The following PARD6G variants were observed in gnomAD, a reference collection of about 807,000 sequenced individuals.
PARD6G encodes par-6 family cell polarity regulator gamma, also known as partitioning defective 6 homolog gamma.
In PARD6G, 7 loss-of-function variants were observed where a neutral mutation model predicts 10.7. The observed-to-expected ratio is 0.66, with a 90% CI of 0.37 to 1.23. The LOEUF is 1.23. Ranked by LOEUF, PARD6G falls within the 50% of genes most tolerant of loss-of-function variation. PARD6G has a pLI of 0.02. For synonymous variants in PARD6G, 287 were observed against 269.4 expected, an observed-to-expected ratio of 1.07 and a Z score of -0.64; for missense variants, 548 against 571.8, an observed-to-expected ratio of 0.96 and a Z score of 0.42.
Position 80,202,845 on chromosome 18 carries a change from G to A in PARD6G, c.160C>T (p.His54Tyr). ...DFYKLVVHTHHISNSDVTIGY... is the reference protein window; with the variant it reads ...DFYKLVVHTHYISNSDVTIGY... ...ATAGTTACATCACTGTTGGAGATAT[G>A]GTGGGTGTGCACAACCAGCTTGTAG... Residue 54 changes from histidine (H) to tyrosine (Y), a missense_variant, in exon 2 of 3, where the codon CAT becomes TAT. Physicochemically the swap from His to Tyr is moderately conservative, Grantham distance 83. Transcript: ENST00000353265. 2 of 1,612,244 alleles carry A rather than the reference G, an allele frequency of 1.2e-6. No homozygotes were observed. Among genetic ancestry groups the A allele is most frequent in the Non-Finnish European group, 1.7e-6 (2 of 1,179,310 alleles).
intron 2 of PARD6G, among the ~76,000 whole-genome samples, chr18:80,197,970 G>A (rs765596150): frequency 6.6e-6 from 1 of 152,230 alleles, no homozygotes; most frequent in Non-Finnish European, 1.5e-5. Flanking sequence ...CAGCGATACA[G>A]AGAAGGGCAA....
intron 2 of PARD6G, among the ~76,000 whole-genome samples, chr18:80,196,770 C>G (rs1322749380): frequency 6.6e-6 from 1 of 151,830 alleles, no homozygotes; most frequent in East Asian, 1.9e-4. Context: ...TTCTTTTTGA[C>G]AAGCTACATC....
rs191086048 is a variant in PARD6G at position 80,183,136 on chromosome 18, G to T, written c.295+19574C>A. 25 of 702,836 alleles carry T rather than the reference G, an allele frequency of 3.6e-5. No homozygotes were observed. The Admixed American group carries it at 5.0e-4, about 14-fold the overall frequency. The allele number at this position is 702,836 out of a possible 1,614,324, so 43.5% of individuals were successfully genotyped here. A position where few individuals can be genotyped will look rare whatever the true frequency, so the allele number is the denominator to read the frequency against. On this transcript the variant is annotated intron_variant, in intron 2 of 2. Transcript: ENST00000353265. This position sits in a 1 kb window ranked among gnomAD's most constrained non-coding sequence, Gnocchi z 4.5. ...GAGCTGAAGAGTCAGGTTCCTGGTC[G>T]CAGGGCTCCGTCATCTGCAGGAAAA... is the stretch of plus-strand genomic sequence containing the variant.
intron 1 of PARD6G, among the ~76,000 whole-genome samples, chr18:80,215,169 T>G (rs1967150803): frequency 6.6e-6 from 1 of 152,150 alleles, no homozygotes. Flanking sequence ...GAAGGAAACA[T>G]GAGATATTCC....
At chr18:80,243,976 C>G (rs904002071) in intron 1 of PARD6G, among the ~76,000 whole-genome samples, 1 of 152,214 alleles carries the variant, frequency 6.6e-6, no homozygotes, top group African/African-American at 2.4e-5. Context: ...CAAGCTCATG[C>G]GGACGACAGT....
chr18:80,240,928 C>T (rs902265584), intron 1 of PARD6G, among the ~76,000 whole-genome samples: 1 of 152,222 alleles, frequency 6.6e-6, no homozygotes, highest in African/African-American at 2.4e-5. Flanking sequence ...TACCCCAGCA[C>T]ATGCCCTATG....
chr18:80,159,990 C>G lies in PARD6G; in HGVS notation c.912G>C (p.Glu304Asp). 1 of 1,509,156 alleles carries G rather than the reference C, an allele frequency of 6.6e-7. No individual in the cohort carries two copies. The highest frequency in any genetic ancestry group is 2.4e-5 in the East Asian group (1 of 42,552). 93.5% of individuals were successfully genotyped at this position (1,509,156 alleles called of 1,614,324 possible). The change falls in exon 3 of 3, where the codon GAG (glutamate) becomes GAC (aspartate). Residue 304 changes from glutamate to aspartate, a missense_variant. By Grantham distance (45) the Glu-to-Asp change is conservative. Around this residue, in one of 2 missense-constraint regions of PARD6G, gnomAD observed 313 missense variants for 279.9 expected, o/e 1.12. Transcript: ENST00000353265. ...GGGGACGTGCAGGCTCCAGTGTGCC[C>G]TCGATGACGACGTCGTTGTCCTCAT... ...ESDEDNDVVI[E>D]GTLEPARPPQ...
chr18:80,171,917 C>T (rs150730856), intron 2 of PARD6G, among the ~76,000 whole-genome samples: 8 of 152,232 alleles, frequency 5.3e-5, no homozygotes, highest in East Asian at 1.9e-4. Context: ...ACATCTGATA[C>T]GTGTTATATC....
intron 2 of PARD6G, among the ~76,000 whole-genome samples, chr18:80,168,421 T>G (rs1398064855): frequency 6.6e-6 from 1 of 152,172 alleles, no homozygotes; most frequent in African/African-American, 2.4e-5. Flanking sequence ...CTAAAATACC[T>G]TTTTACAAGA....
At position 80,166,992 on chromosome 18, in the gene PARD6G, T is replaced by C. The variant is rs551325095; in HGVS notation, c.296-6386A>G. Among the ~76,000 whole-genome samples the C allele has an allele frequency of 4.6e-5, 7 of 151,516 alleles. No individual in the cohort carries two copies. The East Asian group carries it at 1.2e-3, about 25-fold the overall frequency. ...GCCTTGGCCCTGTGCTCCAAGGGAG[T>C]TTCAGCGCATCTAAAGGTGCAGGGC... On this transcript the variant is annotated intron_variant, in intron 2 of 2. Coordinates refer to ENST00000353265, the MANE Select transcript of PARD6G (RefSeq NM_032510.4).
intron 1 of PARD6G, among the ~76,000 whole-genome samples, chr18:80,242,999 T>C (rs1967506513): frequency 6.6e-6 from 1 of 152,132 alleles, no homozygotes; most frequent in African/African-American, 2.4e-5. Context: ...AAAGTAGAAA[T>C]ACGCACTCAA....
At chr18:80,195,392 G>C (rs1966941422) in intron 2 of PARD6G, among the ~76,000 whole-genome samples, 1 of 151,606 alleles carries the variant, frequency 6.6e-6, no homozygotes, top group Admixed American at 6.6e-5. Context: ...AGGGTGGGCA[G>C]CCATGTACCT....
At chr18:80,220,404 G>A (rs1194365714) in intron 1 of PARD6G, among the ~76,000 whole-genome samples, 3 of 152,098 alleles carry the variant, frequency 2.0e-5, no homozygotes, top group African/African-American at 7.2e-5. Flanking sequence ...AATGCAATGT[G>A]TTATCCTGGA....
At chr18:80,162,979 C>T (rs927898762) in intron 2 of PARD6G, among the ~76,000 whole-genome samples, 1 of 152,188 alleles carries the variant, frequency 6.6e-6, no homozygotes, top group African/African-American at 2.4e-5. Flanking sequence ...CTCATGATTG[C>T]TCATTCTAAG....
At chr18:80,206,780 A>T (rs1967058005) in intron 1 of PARD6G, among the ~76,000 whole-genome samples, 2 of 152,266 alleles carry the variant, frequency 1.3e-5, no homozygotes, top group Admixed American at 6.5e-5. Flanking sequence ...AGTAAATGAA[A>T]GATTCTTCAA....
intron 1 of PARD6G, among the ~76,000 whole-genome samples, chr18:80,225,772 T>C (rs1366431268): frequency 6.6e-6 from 1 of 152,146 alleles, no homozygotes; most frequent in East Asian, 1.9e-4. Context: ...CCAGCAAGTT[T>C]CAATGTAGAT....
chr18:80,187,348 A>G (rs2052885363), intron 2 of PARD6G, among the ~76,000 whole-genome samples: 1 of 152,106 alleles, frequency 6.6e-6, no homozygotes, highest in Non-Finnish European at 1.5e-5. Flanking sequence ...TGTTTCTCAC[A>G]TTTTGCTTCA....
intron 1 of PARD6G, among the ~76,000 whole-genome samples, chr18:80,233,197 C>A (rs894740534): frequency 1.1e-4 from 17 of 152,230 alleles, no homozygotes; most frequent in Admixed American, 6.5e-5. Context: ...GGCAAACTAT[C>A]CTACCTCTGA....
intron 1 of PARD6G, among the ~76,000 whole-genome samples, chr18:80,233,528 A>T (rs772923660): frequency 6.6e-6 from 1 of 152,182 alleles, no homozygotes; most frequent in Non-Finnish European, 1.5e-5. Context: ...ATTATTGCAG[A>T]CACCAGCAAG....
Sources: allele counts gnomAD v4.1 joint callset (sites outside exome capture counted in the v4.1 genomes callset), GRCh38; gene constraint gnomAD v4.1.1; regional missense constraint gnomAD v4.1.1; non-coding constraint Gnocchi (gnomAD v3.1); transcripts MANE v1.5; gene names NCBI Gene and HGNC (gene_info 2026-07-23, HGNC 2026-07-21).